Variants in CPEB3 observed in about 807,000 individuals in gnomAD.
CPEB3 encodes the protein cytoplasmic polyadenylation element binding protein 3.
A neutral mutation model predicts 67.2 loss-of-function variants in CPEB3; 20 were observed. That is an observed-to-expected ratio of 0.30 (90% CI 0.21 to 0.43). The LOEUF is 0.43. Ranked by LOEUF, CPEB3 falls within the 20% of genes least tolerant of loss-of-function variation. The pLI is 1.00. For synonymous variants in CPEB3, 376 were observed against 393.1 expected, an observed-to-expected ratio of 0.96 and a Z score of 0.51; for missense variants, 746 against 968.6, an observed-to-expected ratio of 0.77 and a Z score of 3.05.
At chr10:92,130,162 A>T (rs1845779645) in intron 6 of CPEB3, among the ~76,000 whole-genome samples, 1 of 151,442 alleles carries the variant, frequency 6.6e-6, no homozygotes, top group South Asian at 2.1e-4. Context: ...GCTTCCCTAC[A>T]TGTTCTAGCT....
intron 2 of CPEB3, among the ~76,000 whole-genome samples, chr10:92,206,985 T>G (rs569507855): frequency 5.0e-4 from 76 of 152,262 alleles, no homozygotes; most frequent in African/African-American, 1.7e-3. Context: ...ACACTTCTTT[T>G]TTCCTTTTTT....
chr10:92,186,206 C>CACAAAAAAAAAAAAAAT (rs1284861354), intron 3 of CPEB3, among the ~76,000 whole-genome samples: 1 of 91,572 alleles, frequency 1.1e-5, no homozygotes, highest in Non-Finnish European at 2.2e-5. Context: ...ACCCTGTCTC[C>CACAAAAAAAAAAAAAAT]ACAAAAAAAA....
rs907828074 is a variant in CPEB3 at position 92,267,850 on chromosome 10, C to T, written c.-12+23076G>A. On this transcript the variant is annotated intron_variant, in intron 1 of 9. Coordinates refer to ENST00000265997, the MANE Select transcript of CPEB3 (RefSeq NM_014912.5). ...ATTTATTTATTTAGAGATGTAGTCTCGCTCTGTTGCCAGGATGGACTGCAG... is the reference window on the plus strand; with the variant it reads ...ATTTATTTATTTAGAGATGTAGTCTTGCTCTGTTGCCAGGATGGACTGCAG... Among the ~76,000 whole-genome samples the T allele has an allele frequency of 2.6e-4, 40 of 152,108 alleles. 1 individual carries two copies. The highest frequency in any genetic ancestry group is 2.6e-3 in the Admixed American group (40 of 15,246).
At chr10:92,060,285 G>A (rs754776145) in intron 9 of CPEB3, among the ~76,000 whole-genome samples, 1 of 152,152 alleles carries the variant, frequency 6.6e-6, no homozygotes, top group Non-Finnish European at 1.5e-5. Context: ...AGGAGGTGGA[G>A]GTTGCAGTGA....
intron 9 of CPEB3, among the ~76,000 whole-genome samples, chr10:92,069,870 C>G (rs1219654962): frequency 2.6e-5 from 4 of 152,170 alleles, no homozygotes; most frequent in African/African-American, 9.7e-5. Context: ...TTAGATATGA[C>G]AGATAATCTC....
chr10:92,139,850 G>A (rs1846308702), intron 6 of CPEB3, among the ~76,000 whole-genome samples: 1 of 152,172 alleles, frequency 6.6e-6, no homozygotes, highest in Admixed American at 6.5e-5. Flanking sequence ...CAAGGCAGGA[G>A]GATCATGAGG....
At chr10:92,118,895 G>C (rs1255329518) in intron 6 of CPEB3, 1 of 904,898 alleles carries the variant, frequency 1.1e-6, no homozygotes. Context: ...TTTGAGGGCA[G>C]GGGCCTCTCT....
chr10:92,261,510 T>C (rs1403420633), intron 1 of CPEB3, among the ~76,000 whole-genome samples: 1 of 152,156 alleles, frequency 6.6e-6, no homozygotes, highest in African/African-American at 2.4e-5. Flanking sequence ...TGCAATGGCG[T>C]GATCTCAGCT....
chr10:92,213,503 C>T (rs1388986225), intron 2 of CPEB3, among the ~76,000 whole-genome samples: 1 of 152,114 alleles, frequency 6.6e-6, no homozygotes, highest in Non-Finnish European at 1.5e-5. Context: ...TACCTTATTT[C>T]GGTTCCTGGA....
chr10:92,142,507 G>C (rs1047480775), intron 6 of CPEB3, among the ~76,000 whole-genome samples: 5 of 152,052 alleles, frequency 3.3e-5, no homozygotes, highest in Admixed American at 2.0e-4. Context: ...CAAAAATCAG[G>C]GAAGCAAGGT....
chr10:92,152,694 C>CA (rs34113683), intron 4 of CPEB3, among the ~76,000 whole-genome samples: 2 of 151,990 alleles, frequency 1.3e-5, no homozygotes, highest in Non-Finnish European at 2.9e-5. Flanking sequence ...TCCTTAATAC[C>CA]AAAAAGTTTT....
chr10:92,113,134 T>C (rs1163620588), intron 6 of CPEB3, among the ~76,000 whole-genome samples: 2 of 152,204 alleles, frequency 1.3e-5, no homozygotes, highest in African/African-American at 4.8e-5. Flanking sequence ...AGCCATGTAG[T>C]TGCAAGAGAG....
chr10:92,067,037 G>A (rs1842576494), intron 9 of CPEB3, among the ~76,000 whole-genome samples: 1 of 151,318 alleles, frequency 6.6e-6, no homozygotes, highest in Non-Finnish European at 1.5e-5. Context: ...TGACACAGCC[G>A]AGACTCCATC....
chr10:92,183,587 C>A (rs1848558235), intron 3 of CPEB3, among the ~76,000 whole-genome samples: 1 of 152,160 alleles, frequency 6.6e-6, no homozygotes, highest in Non-Finnish European at 1.5e-5. Flanking sequence ...TCTAAACCAG[C>A]TTTCATCCTT....
rs79143617 is a variant in CPEB3 at position 92,055,317 on chromosome 10, C to T, written c.1870-2878G>A. 6.5e-4 allele frequency among the ~76,000 whole-genome samples: 99 copies of T among 152,318 alleles called. No homozygotes were observed. The East Asian group carries it at 0.018, about 28-fold the overall frequency. ...AGATGTGTCATGAAGGTTTTCATAA[C>T]TGCCTCGAGGCCAGAGGCACAAAGT... On this transcript the variant is annotated intron_variant, in intron 9 of 9. Transcript: ENST00000265997.
chr10:92,074,905 T>C (rs547069527), intron 9 of CPEB3, among the ~76,000 whole-genome samples: 2 of 152,222 alleles, frequency 1.3e-5, no homozygotes, highest in Non-Finnish European at 2.9e-5. Flanking sequence ...GAGATGACTC[T>C]AGATGTCTAG....
chr10:92,148,191 CTG>C (rs944488671), intron 4 of CPEB3, among the ~76,000 whole-genome samples: 3 of 152,182 alleles, frequency 2.0e-5, no homozygotes, highest in African/African-American at 4.8e-5. Context: ...AAAAACATAA[CTG>C]TGAACTGCAA....
intron 3 of CPEB3, among the ~76,000 whole-genome samples, chr10:92,187,179 G>A (rs1848732203): frequency 6.6e-6 from 1 of 152,150 alleles, no homozygotes; most frequent in Admixed American, 6.6e-5. Context: ...TAACACCAAA[G>A]GGGTGGCATT....
chr10:92,237,676 G>A (rs933159788), intron 2 of CPEB3, among the ~76,000 whole-genome samples: 5 of 152,080 alleles, frequency 3.3e-5, no homozygotes, highest in African/African-American at 4.8e-5. Context: ...ACTCAGGTAC[G>A]GAGCATGAGA....
Sources: gnomAD v4.1 joint callset for allele counts (sites outside exome capture counted in the v4.1 genomes callset) on GRCh38, gnomAD v4.1.1 for gene constraint, MANE v1.5 for transcripts, NCBI Gene and HGNC (gene_info 2026-07-23, HGNC 2026-07-21) for gene names.